Variants in EIF2AK1 observed in about 807,000 individuals in gnomAD.
The protein encoded by EIF2AK1 is eukaryotic translation initiation factor 2 alpha kinase 1, also known as eukaryotic translation initiation factor 2-alpha kinase 1.
In EIF2AK1, 54 loss-of-function variants were observed where a neutral mutation model predicts 77.9. The ratio of observed to expected loss-of-function variants is 0.69; its 90% CI spans 0.56 to 0.87. The LOEUF is 0.87. Among genes scored for constraint, EIF2AK1 ranks in the 40% least tolerant of loss-of-function variants. The probability of loss-of-function intolerance (pLI) is 0.00; values close to 1 mark genes in which losing one functional copy is unlikely to be tolerated. For missense variants in EIF2AK1, 810 were observed against 768.6 expected, an observed-to-expected ratio of 1.05 and a Z score of -0.64; for synonymous variants, 314 against 290.5, an observed-to-expected ratio of 1.08 and a Z score of -0.82.
chr7:6,056,827 G>T (rs1489575145), intron 1 of EIF2AK1, among the ~76,000 whole-genome samples: 1 of 151,300 alleles, frequency 6.6e-6, no homozygotes, highest in African/African-American at 2.4e-5. Flanking sequence ...GTTTACAGCA[G>T]GGACTTTTCC....
chr7:6,034,530 C>A (rs1238101012), intron 11 of EIF2AK1, among the ~76,000 whole-genome samples: 2 of 152,076 alleles, frequency 1.3e-5, no homozygotes, highest in African/African-American at 4.8e-5. Flanking sequence ...GGCTTCTGCA[C>A]CTCTCTAGAA....
chr7:6,035,907 T>G lies in EIF2AK1; in HGVS notation c.1332+1517A>C, dbSNP rs1275555956. The G allele has an allele frequency of 1.3e-6, 2 of 1,546,662 alleles. No homozygotes were observed. Among genetic ancestry groups the G allele is most frequent in the Admixed American group, 3.9e-5 (2 of 50,784 alleles). On this transcript the variant is annotated intron_variant, in intron 11 of 14. Transcript: ENST00000199389. This position sits in a 1 kb window ranked among gnomAD's most constrained non-coding sequence, Gnocchi z 5.5. The stretch of plus-strand genomic sequence containing the variant: ...CCGACTCCTCGGGGCGGGGGTCAGC[T>G]GCATCCGTCTGCTACTCACTCACGG...
chr7:6,042,821 G>GTGCC, intron 8 of EIF2AK1, 112 bp downstream of exon 8: 1 of 808,960 alleles, frequency 1.2e-6, no homozygotes, highest in Non-Finnish European at 2.0e-6. Flanking sequence ...AGCCAAGATT[G>GTGCC]TGCCACTGCA....
In EIF2AK1 at chr7:6,040,875, C is replaced by T. The variant is rs779246229; in HGVS notation, c.1119+17G>A. On this transcript the variant is annotated intron_variant, in intron 9 of 14. Coordinates refer to ENST00000199389, the MANE Select transcript of EIF2AK1 (RefSeq NM_014413.4). ...CCAATACTGGCCAAATTAGGAGGGT[C>T]TGGGAAAGTAATCTACCTCTGTCTG... 1 of 1,608,238 alleles carries T rather than the reference C, an allele frequency of 6.2e-7. No individual in the cohort carries two copies. The highest frequency in any genetic ancestry group is 2.2e-5 in the East Asian group (1 of 44,854).
At chr7:6,031,808 G>A (rs1382373817) in intron 11 of EIF2AK1, among the ~76,000 whole-genome samples, 2 of 152,178 alleles carry the variant, frequency 1.3e-5, no homozygotes, top group African/African-American at 2.4e-5. Flanking sequence ...CAGACCCTGT[G>A]TGACTGGAAG....
chr7:6,053,364 G>A (rs548795713), intron 2 of EIF2AK1, among the ~76,000 whole-genome samples: 3 of 152,050 alleles, frequency 2.0e-5, no homozygotes, highest in Admixed American at 2.0e-4. Context: ...TATTCTTTTC[G>A]TTATTTTTAT....
rs1042787936 is a variant in EIF2AK1, at chr7:6,036,121, T to C, written c.1332+1303A>G. 6.4e-7 allele frequency: 1 copy of C among 1,550,784 alleles called. No individual in the cohort carries two copies. The highest frequency in any genetic ancestry group is 1.4e-5 in the African/African-American group (1 of 73,176). ...TGCAATGTAAGAGATACGGCACTTC[T>C]GGCCAGGCTACTTTATCACACTTAT... On this transcript the variant is annotated intron_variant, in intron 11 of 14. Coordinates refer to ENST00000199389, the MANE Select transcript of EIF2AK1 (RefSeq NM_014413.4). This position sits in a 1 kb window ranked among gnomAD's most constrained non-coding sequence, Gnocchi z 4.6.
intron 4 of EIF2AK1, chr7:6,047,846 C>T (rs1788490693): frequency 6.6e-6 from 1 of 152,360 alleles, no homozygotes; most frequent in African/African-American, 2.4e-5. Context: ...TTCACTCCTC[C>T]TTAGGCAACC....
chr7:6,052,584 T>TAAAA (rs56106343), intron 2 of EIF2AK1, among the ~76,000 whole-genome samples: 37 of 97,142 alleles, frequency 3.8e-4, no homozygotes, highest in African/African-American at 1.0e-3. Context: ...ACTGTTTTGG[T>TAAAA]AAAAAAAAAA....
At chr7:6,042,209 G>C (rs1788318523) in intron 8 of EIF2AK1, among the ~76,000 whole-genome samples, 1 of 151,944 alleles carries the variant, frequency 6.6e-6, no homozygotes, top group African/African-American at 2.4e-5. Context: ...CCAGCACTTT[G>C]GGAGGCCAAG....
chr7:6,027,196 C>T lies in EIF2AK1; in HGVS notation c.1531-235G>A, dbSNP rs1458058094. Among the ~76,000 whole-genome samples, 1 of 152,154 alleles carries T rather than the reference C, an allele frequency of 6.6e-6. No individual in the cohort carries two copies. Among genetic ancestry groups the T allele is most frequent in the African/African-American group, 2.4e-5 (1 of 41,438 alleles). ...TGGTCAGGTGGAGGGCAGGGATAAT[C>T]CCCACCCACAGCAGTCACGACCATA... On this transcript the variant is annotated intron_variant, in intron 13 of 14. Transcript: ENST00000199389. This position sits in a 1 kb window ranked among gnomAD's most constrained non-coding sequence, Gnocchi z 4.5.
intron 2 of EIF2AK1, among the ~76,000 whole-genome samples, chr7:6,050,308 C>A (rs1446266435): frequency 6.6e-6 from 1 of 152,110 alleles, no homozygotes; most frequent in Non-Finnish European, 1.5e-5. Context: ...GATTCTTCTG[C>A]CTCAACCTCC....
At chr7:6,040,391 G>C (rs1210005612) in intron 9 of EIF2AK1, among the ~76,000 whole-genome samples, 3 of 152,062 alleles carry the variant, frequency 2.0e-5, no homozygotes, top group Non-Finnish European at 4.4e-5. Flanking sequence ...TAAAATACTG[G>C]GGAAAGCATG....
intron 3 of EIF2AK1, 143 bp downstream of exon 3, chr7:6,049,769 G>T: frequency 1.3e-6 from 1 of 756,888 alleles, no homozygotes; most frequent in Non-Finnish European, 2.0e-6. Context: ...ATTAAGGCAT[G>T]AGCCACACCA....
Position 6,035,952 on chromosome 7 carries a change from G to C in EIF2AK1, c.1332+1472C>G. On this transcript the variant is annotated intron_variant, in intron 11 of 14. Transcript: ENST00000199389. The surrounding 1 kb of genome is among the most constrained non-coding windows in gnomAD (Gnocchi z 5.5). ...TCACGGAGCCAAAGTCAACGCCCAGGACTACAAGGGCCAAACAGCCATCCA... is the reference window on the plus strand; with the variant it reads ...TCACGGAGCCAAAGTCAACGCCCAGCACTACAAGGGCCAAACAGCCATCCA... 6.5e-7 allele frequency: 1 copy of C among 1,549,340 alleles called. No homozygotes were observed. The highest frequency in any genetic ancestry group is 1.2e-5 in the South Asian group (1 of 83,904).
rs1024454708 is a variant in EIF2AK1 at position 6,027,638 on chromosome 7, A to G, written c.1531-677T>C. ...GTTCGTTCTATTTCAAGGGGAGTCA[A>G]GGGGCAGGCTTCCCCTTGGTGTTTA... is the stretch of plus-strand genomic sequence containing the variant. On this transcript the variant is annotated intron_variant, in intron 13 of 14. Transcript: ENST00000199389. This position sits in a 1 kb window ranked among gnomAD's most constrained non-coding sequence, Gnocchi z 4.5. Among the ~76,000 whole-genome samples the G allele has an allele frequency of 3.3e-5, 5 of 152,168 alleles. No individual in the cohort carries two copies. The highest frequency in any genetic ancestry group is 1.2e-4 in the African/African-American group (5 of 41,432).
rs1254753779 is a variant in EIF2AK1 at position 6,024,518 on chromosome 7, G to A, written c.*155C>T. 6.9e-7 allele frequency: 1 copy of A among 1,441,942 alleles called. No individual in the cohort carries two copies. The allele number at this position is 1,441,942 out of a possible 1,614,324, so 89.3% of individuals were successfully genotyped here. ...AAATTCAGGAAAAGGAGCTTGTGGG[G>A]CAGGAAGGGAAGGAACGGCAGCTTG... On this transcript the variant is annotated 3_prime_UTR_variant, in exon 15 of 15. Coordinates refer to ENST00000199389, the MANE Select transcript of EIF2AK1 (RefSeq NM_014413.4).
intron 2 of EIF2AK1, among the ~76,000 whole-genome samples, chr7:6,053,425 G>A (rs755546939): frequency 6.6e-6 from 1 of 152,020 alleles, no homozygotes; most frequent in Non-Finnish European, 1.5e-5. Flanking sequence ...GCAATGGCGC[G>A]ATCTCAGCTC....
Position 6,024,591 on chromosome 7 carries a change from A to C in EIF2AK1, c.*82T>G. ...AGTCTTGTAAAGGCTTACTAAATAC[A>C]ACGAAGCATTGTACCAACTATACCC... On this transcript the variant is annotated 3_prime_UTR_variant, in exon 15 of 15. Coordinates refer to ENST00000199389, the MANE Select transcript of EIF2AK1 (RefSeq NM_014413.4). 6.3e-7 allele frequency: 1 copy of C among 1,594,020 alleles called. No individual in the cohort carries two copies. Among genetic ancestry groups the C allele is most frequent in the Non-Finnish European group, 8.5e-7 (1 of 1,173,446 alleles).
Sources: gnomAD v4.1 joint callset for allele counts (sites outside exome capture counted in the v4.1 genomes callset) on GRCh38, gnomAD v4.1.1 for gene constraint, Gnocchi (gnomAD v3.1) non-coding constraint, MANE v1.5 for transcripts, NCBI Gene and HGNC (gene_info 2026-07-23, HGNC 2026-07-21) for gene names.